The following ITPR1 variants were observed in gnomAD, a reference collection of about 807,000 sequenced individuals.
ITPR1 encodes the protein inositol 1,4,5-trisphosphate-gated calcium channel ITPR1.
A neutral mutation model predicts 318.4 loss-of-function variants in ITPR1; 96 were observed. The observed-to-expected ratio is 0.30, with a 90% CI of 0.26 to 0.36. The LOEUF (loss-of-function observed/expected upper bound fraction) is 0.36. ITPR1 is among the 10% of genes least tolerant of loss of function. The probability of loss-of-function intolerance (pLI) is 1.00; values close to 1 mark genes in which losing one functional copy is unlikely to be tolerated. For missense variants in ITPR1, 2,440 were observed against 3,460.2 expected (o/e 0.71, Z 7.40); for synonymous variants, 1,312 against 1,289.9 (o/e 1.02, Z -0.37).
At chr3:4,818,019 T>C (rs550285383) in intron 59 of ITPR1, 63 bp from the exon 60 acceptor site, 203 of 1,411,484 alleles carry the variant, frequency 1.4e-4, no homozygotes, top group South Asian at 5.4e-4. Context: ...AGTTCTGTTA[T>C]TGATTTTTTT....
chr3:4,665,744 AT>A (rs1167635200), intron 17 of ITPR1, among the ~76,000 whole-genome samples: 1 of 152,166 alleles, frequency 6.6e-6, no homozygotes, highest in African/African-American at 2.4e-5. Flanking sequence ...GAGATATCTT[AT>A]ACATAGTTAT....
chr3:4,772,928 G>A (rs577219470), intron 46 of ITPR1, among the ~76,000 whole-genome samples: 5 of 152,332 alleles, frequency 3.3e-5, no homozygotes, highest in East Asian at 1.9e-4. Context: ...TTTGAAACAC[G>A]TGGGCCCAGC....
At chr3:4,663,455 C>A (rs538434402) in intron 16 of ITPR1, among the ~76,000 whole-genome samples, 1 of 152,220 alleles carries the variant, frequency 6.6e-6, no homozygotes, top group African/African-American at 2.4e-5. Flanking sequence ...TTGGTGATTC[C>A]CACCTCAAAG....
chr3:4,580,569 C>G (rs192332503), intron 4 of ITPR1, among the ~76,000 whole-genome samples: 1 of 152,312 alleles, frequency 6.6e-6, no homozygotes, highest in African/African-American at 2.4e-5. Flanking sequence ...CAGCAGAGAG[C>G]TTGCTGTGCC....
chr3:4,650,642 T>TGCGC (rs1261417479), intron 10 of ITPR1, among the ~76,000 whole-genome samples: 7 of 134,136 alleles, frequency 5.2e-5, no homozygotes, highest in African/African-American at 2.4e-4. Context: ...TGTGTGTGTG[T>TGCGC]GTGCGCGCGT....
intron 61 of ITPR1, among the ~76,000 whole-genome samples, chr3:4,839,678 TA>T (rs1445847120): frequency 5.9e-5 from 9 of 152,240 alleles, no homozygotes; most frequent in African/African-American, 7.2e-5. Context: ...TTGGCATTTC[TA>T]AAATCCAAGA....
At chr3:4,713,300 C>G (rs369407888) in intron 39 of ITPR1, among the ~76,000 whole-genome samples, 1 of 152,164 alleles carries the variant, frequency 6.6e-6, no homozygotes, top group Non-Finnish European at 1.5e-5. Context: ...GGCATAAAAC[C>G]TGATTTTTCA....
intron 4 of ITPR1, among the ~76,000 whole-genome samples, chr3:4,606,453 G>T (rs2091708851): frequency 6.6e-6 from 1 of 152,162 alleles, no homozygotes; most frequent in Admixed American, 6.5e-5. Flanking sequence ...CAAGGTTAAG[G>T]TGATGCCTGG....
intron 4 of ITPR1, among the ~76,000 whole-genome samples, chr3:4,598,044 C>T (rs1252501358): frequency 1.3e-5 from 2 of 152,218 alleles, no homozygotes; most frequent in Non-Finnish European, 2.9e-5. Context: ...CTTCCGTTTC[C>T]TGCGTCTTAT....
intron 4 of ITPR1, among the ~76,000 whole-genome samples, chr3:4,524,368 C>T (rs1212326363): frequency 8.0e-6 from 1 of 125,734 alleles, no homozygotes; most frequent in African/African-American, 3.0e-5. Context: ...GCAATTGCTG[C>T]GTTTCCAAAT....
intron 34 of ITPR1, 128 bp from the exon 35 acceptor site, chr3:4,699,685 G>T: frequency 2.6e-6 from 2 of 760,166 alleles, no homozygotes; most frequent in South Asian, 2.1e-5. Flanking sequence ...TTCCTTAAGG[G>T]GAGAAATATT....
At chr3:4,725,806 C>T (rs1319623889) in intron 41 of ITPR1, among the ~76,000 whole-genome samples, 2 of 152,102 alleles carry the variant, frequency 1.3e-5, no homozygotes, top group African/African-American at 4.8e-5. Flanking sequence ...CCTCCAGGTG[C>T]CAGGACATGG....
Position 4,683,660 on chromosome 3 carries a change from C to G in ITPR1, c.3360C>G (p.Asp1120Glu). The G allele has an allele frequency of 6.2e-7, 1 of 1,614,048 alleles. No individual in the cohort carries two copies. Among genetic ancestry groups the G allele is most frequent in the Non-Finnish European group, 8.5e-7 (1 of 1,179,896 alleles). The part of the protein sequence containing the change: ...VQLLVTSQDV[D>E]NYKQIKQDLD... ...TGCTGGTTACCAGCCAAGATGTGGA[C>G]AACTACAAACAGATCAAACAAGACT... Residue 1120 changes from aspartate (D) to glutamate (E), a missense_variant, in exon 28 of 62, where the codon GAC (aspartate) becomes GAG (glutamate). By Grantham distance (45) the Asp-to-Glu change is conservative. Coordinates refer to ENST00000649015, the MANE Select transcript of ITPR1 (RefSeq NM_001378452.1).
rs78436013 is a variant in ITPR1 at position 4,827,514 on chromosome 3, G to T, written c.8029-9260G>T. Among the ~76,000 whole-genome samples, 555 of 152,320 alleles carry T rather than the reference G, an allele frequency of 3.6e-3. 1 individual carries two copies. The highest frequency in any genetic ancestry group is 5.2e-3 in the Admixed American group (79 of 15,300). On this transcript the variant is annotated intron_variant, in intron 60 of 61. Transcript: ENST00000649015. Reference sequence around the variant, plus strand: ...GGGAATGTGAGAATGAGGAAAAGAGGTTAGTATTTAGGGATAGTCATTTGT... The same window carrying T: ...GGGAATGTGAGAATGAGGAAAAGAGTTTAGTATTTAGGGATAGTCATTTGT...
chr3:4,641,922 G>T (rs4685784), intron 6 of ITPR1, among the ~76,000 whole-genome samples, 171 bp from the exon 7 acceptor site: 1 of 152,230 alleles, frequency 6.6e-6, no homozygotes, highest in African/African-American at 2.4e-5. Context: ...TCCCTTTTCT[G>T]TTCTTCCTTT....
intron 24 of ITPR1, among the ~76,000 whole-genome samples, chr3:4,680,200 T>C (rs564604466): frequency 2.6e-4 from 39 of 152,344 alleles, no homozygotes; most frequent in Non-Finnish European, 4.1e-4. Flanking sequence ...TTCACTCTTT[T>C]CAGTGTTAGG....
At chr3:4,690,917 G>T (rs1231413445) in intron 31 of ITPR1, among the ~76,000 whole-genome samples, 1 of 152,154 alleles carries the variant, frequency 6.6e-6, no homozygotes, top group Non-Finnish European at 1.5e-5. Context: ...CTATTCAGCT[G>T]AATGCTAATG....
In ITPR1 at chr3:4,645,726, G is replaced by T; in HGVS notation, c.853G>T (p.Glu285Ter). Residue 285 changes from glutamate (E) to a stop codon, truncating the protein, a stop_gained and splice_region_variant, in exon 10 of 62, where the codon GAG becomes TAG. Transcript: ENST00000649015. LOFTEE classifies it high-confidence loss of function. ...CAGTTCAAAAGCCCTGTGGGAGGTG[G>T]AGGTAAGGGTAGGGTGGAGAAAGGG... ...ATSSKALWEVEVVQHDPCRGG... is the reference protein window; with the variant it reads ...ATSSKALWEV The T allele has an allele frequency of 6.2e-7, 1 of 1,612,404 alleles. No homozygotes were observed. Among genetic ancestry groups the T allele is most frequent in the Non-Finnish European group, 8.5e-7 (1 of 1,179,682 alleles).
chr3:4,676,695 T>C lies in ITPR1; in HGVS notation c.2861T>C (p.Met954Thr). ...CTCCGGGGAGGAGGCTTTTTGCCCA[T>C]GACTCCCATGGCTGCTGCCCCTGAA... ...VVLRGGGFLP[M>T]TPMAAAPEGN... Residue 954 changes from methionine (M) to threonine (T), a missense_variant, in exon 24 of 62, where the codon ATG (methionine) becomes ACG (threonine). Transcript: ENST00000649015. The C allele has an allele frequency of 6.2e-7, 1 of 1,613,696 alleles. No homozygotes were observed. The highest frequency in any genetic ancestry group is 8.5e-7 in the Non-Finnish European group (1 of 1,179,778).
Sources: gnomAD v4.1 joint callset for allele counts (sites outside exome capture counted in the v4.1 genomes callset) on GRCh38, gnomAD v4.1.1 for gene constraint, MANE v1.5 for transcripts, NCBI Gene and HGNC (gene_info 2026-07-23, HGNC 2026-07-21) for gene names.